GYS1: variants seen among roughly 807,000 people sequenced by gnomAD.
GYS1 encodes the protein glycogen synthase 1.
Under a neutral mutation model 89.1 loss-of-function variants are expected in GYS1, and 60 were observed. The observed-to-expected ratio is 0.67, with a 90% confidence interval of 0.55 to 0.84. GYS1 has a LOEUF of 0.84. Among genes scored for constraint, GYS1 ranks in the 40% least tolerant of loss-of-function variants. The pLI is 0.00. For synonymous variants in GYS1, 366 were observed against 401.7 expected (o/e 0.91, Z 1.06); for missense variants, 888 against 1,003.1 (o/e 0.89, Z 1.55).
intron 8 of GYS1, 39 bp downstream of exon 8, chr19:48,981,491 G>T: frequency 1.9e-6 from 2 of 1,060,796 alleles, no homozygotes; most frequent in Non-Finnish European, 3.0e-6. Flanking sequence ...ATGCATCTGG[G>T]AGTGGGCTGC....
chr19:48,979,647 T>TTTC (rs1491493415), intron 8 of GYS1, among the ~76,000 whole-genome samples: 2 of 42,172 alleles, frequency 4.7e-5, no homozygotes, highest in African/African-American at 1.6e-4. Flanking sequence ...TCTTTCTTTC[T>TTTC]TTTTTTTTTT....
intron 7 of GYS1, among the ~76,000 whole-genome samples, chr19:48,982,005 C>T (rs938324481): frequency 3.3e-5 from 5 of 152,038 alleles, no homozygotes; most frequent in Admixed American, 6.6e-5. Flanking sequence ...TGATCCTCCC[C>T]GTTCACCCTC....
At chr19:48,986,190 G>C (rs1209500695) in intron 3 of GYS1, among the ~76,000 whole-genome samples, 155 bp from the exon 4 acceptor site, 1 of 152,180 alleles carries the variant, frequency 6.6e-6, no homozygotes, top group Non-Finnish European at 1.5e-5. Context: ...ACCGGACAGG[G>C]ACCTGTAAAT....
At chr19:48,970,859 C>T (rs2038553795) in intron 13 of GYS1, 69 bp downstream of exon 13, 1 of 1,447,648 alleles carries the variant, frequency 6.9e-7, no homozygotes, top group Admixed American at 1.7e-5. Context: ...GCAAGCTCCT[C>T]CTTCCCAGGA....
In GYS1 at chr19:48,991,422, G is replaced by C; in HGVS notation, c.180C>G (p.Asp60Glu). The change falls in exon 2 of 16, where the codon GAC (aspartate) becomes GAG (glutamate). Residue 60 changes from aspartate (D) to glutamate (E), a missense_variant. By Grantham distance (45) the Asp-to-Glu change is conservative. Transcript: ENST00000323798. The surrounding 1 kb of genome is among the most constrained non-coding windows in gnomAD (Gnocchi z 4.7). ...KAKVTGDEWG[D>E]NYFLVGPYTE... ...TGTACGGCCCCACCAGGAAGTAGTT[G>C]TCGCCCCATTCGTCCCCTGTCACCT... is the stretch of plus-strand genomic sequence containing the variant. The C allele has an allele frequency of 6.2e-7, 1 of 1,614,138 alleles. No homozygotes were observed. Among genetic ancestry groups the C allele is most frequent in the East Asian group, 2.2e-5 (1 of 44,884 alleles).
chr19:48,968,614 A>G lies in GYS1; in HGVS notation c.*674T>C. 2.2e-6 allele frequency: 1 copy of G among 454,334 alleles called. No homozygotes were observed. Among genetic ancestry groups the G allele is most frequent in the South Asian group, 1.6e-5 (1 of 64,470 alleles). The allele number at this position is 454,334 out of a possible 1,614,324, so 28.1% of individuals were successfully genotyped here. A position where few individuals can be genotyped will look rare whatever the true frequency, so the allele number is the denominator to read the frequency against. ...CTGAGACTGTGTGTCCTCCAGAAGG[A>G]ATGAGCAGCCAAGTGGTTCTACCAC... On this transcript the variant is annotated 3_prime_UTR_variant, in exon 16 of 16. Transcript: ENST00000323798.
chr19:48,969,571 G>T lies in GYS1; in HGVS notation c.1931C>A (p.Pro644Gln), dbSNP rs1188711399. The T allele has an allele frequency of 1.3e-6, 2 of 1,538,764 alleles. No individual in the cohort carries two copies. The highest frequency in any genetic ancestry group is 1.2e-5 in the South Asian group (1 of 84,156). Reference sequence around the variant, plus strand: ...GGAGTGTCGTGACAGCGAGGGCGACGGTGGCACCGAGGCTGGCCGTGGGTA... The same window carrying T: ...GGAGTGTCGTGACAGCGAGGGCGACTGTGGCACCGAGGCTGGCCGTGGGTA... Reference protein sequence around the residue: ...YRYPRPASVPPSPSLSRHSSP... With the variant: ...YRYPRPASVPQSPSLSRHSSP... The change falls in exon 16 of 16, where the codon CCG (proline) becomes CAG (glutamine). Residue 644 changes from proline to glutamine, a missense_variant. Physicochemically the swap from Pro to Gln is moderately conservative, Grantham distance 76. Coordinates refer to ENST00000323798, the MANE Select transcript of GYS1 (RefSeq NM_002103.5).
chr19:48,990,003 G>GGCC (rs796205047), intron 2 of GYS1, among the ~76,000 whole-genome samples: 1 of 147,740 alleles, frequency 6.8e-6, no homozygotes, highest in African/African-American at 2.6e-5. Context: ...TTTGCTGGGG[G>GGCC]GGGGGGGGGG....
chr19:48,989,168 C>G (rs973255486), intron 2 of GYS1, among the ~76,000 whole-genome samples: 3 of 151,682 alleles, frequency 2.0e-5, no homozygotes, highest in African/African-American at 7.3e-5. Context: ...GTCACCCAGG[C>G]TGGAGTGCAG....
At chr19:48,973,895 G>C (rs1253331583) in intron 12 of GYS1, among the ~76,000 whole-genome samples, 1 of 152,092 alleles carries the variant, frequency 6.6e-6, no homozygotes, top group African/African-American at 2.4e-5. Flanking sequence ...AACGTCTTAC[G>C]AGGAGACTTG....
rs1600158301 is a variant in GYS1 at position 48,993,170 on chromosome 19, A to C, written c.-58T>G. The C allele has an allele frequency of 5.2e-6, 5 of 958,258 alleles. No homozygotes were observed. In the East Asian group the frequency reaches 1.2e-4, roughly 23 times the overall value. 59.4% of individuals were successfully genotyped at this position (958,258 alleles called of 1,614,324 possible). ...CCAGGTAGGGACCCCGGAGGTGTCTAGGGAATGCACCAGGTAGGGTGCGGG... is the reference window on the plus strand; with the variant it reads ...CCAGGTAGGGACCCCGGAGGTGTCTCGGGAATGCACCAGGTAGGGTGCGGG... On this transcript the variant is annotated 5_prime_UTR_variant, in exon 1 of 16. Transcript: ENST00000323798.
In GYS1 at chr19:48,993,052, C is replaced by T. The variant is rs2038965445; in HGVS notation, c.61G>A (p.Glu21Lys). ...AGCACTGCGTTCTCCAGGTCGAATTCATCCTCCCAGTCCTCCAGTCCTGGC... is the reference window on the plus strand; with the variant it reads ...AGCACTGCGTTCTCCAGGTCGAATTTATCCTCCCAGTCCTCCAGTCCTGGC... ...SLPGLEDWED[E>K]FDLENAVLFE... The change falls in exon 1 of 16, where the codon GAA becomes AAA. Residue 21 changes from glutamate to lysine, a missense_variant. Coordinates refer to ENST00000323798, the MANE Select transcript of GYS1 (RefSeq NM_002103.5). The T allele has an allele frequency of 6.2e-7, 1 of 1,613,816 alleles. No homozygotes were observed. Among genetic ancestry groups the T allele is most frequent in the East Asian group, 2.2e-5 (1 of 44,878 alleles).
Position 48,970,910 on chromosome 19 carries a change from A to G in GYS1, c.1645+18T>C, listed in dbSNP as rs1287268018. ...TCTCAAGCCCCCTTCCAGAATCCTCAGGGGCCTGGGCGCTGACCGTAAGCT... is the reference window on the plus strand; with the variant it reads ...TCTCAAGCCCCCTTCCAGAATCCTCGGGGGCCTGGGCGCTGACCGTAAGCT... On this transcript the variant is annotated intron_variant, in intron 13 of 15. Transcript: ENST00000323798. 2 of 1,593,728 alleles carry G rather than the reference A, an allele frequency of 1.3e-6. No individual in the cohort carries two copies.
At chr19:48,979,336 CTTTTTTTTTT>C (rs777178030) in intron 8 of GYS1, among the ~76,000 whole-genome samples, 4 of 92,736 alleles carry the variant, frequency 4.3e-5, no homozygotes, top group African/African-American at 1.1e-4. Flanking sequence ...TTTTTCTTTT[CTTTTTTTTTT>C]TTTTTTTTTT....
rs1022035901 is a variant in GYS1, at chr19:48,970,235, C to G, written c.1809+311G>C. ...AACCTCCGGGGCTCAAGCGACCCTA[C>G]CACCTCAGCCTCCCCAGTAGCTGGG... On this transcript the variant is annotated intron_variant, in intron 14 of 15. Transcript: ENST00000323798. 1.3e-5 allele frequency: 6 copies of G among 460,906 alleles called. No individual in the cohort carries two copies. The Admixed American group carries it at 2.1e-4, about 16-fold the overall frequency. 28.6% of individuals were successfully genotyped at this position (460,906 alleles called of 1,614,324 possible).
intron 13 of GYS1, 33 bp downstream of exon 13, chr19:48,970,895 C>G (rs1436595691): frequency 1.3e-6 from 2 of 1,545,474 alleles, no homozygotes; most frequent in Admixed American, 1.7e-5. Context: ...TCTCAAGCCC[C>G]CTTCCAGAAT....
rs2038837989 is a variant in GYS1 at position 48,985,997 on chromosome 19, A to G, written c.531T>C (p.Ala177=). The G allele has an allele frequency of 6.2e-7, 1 of 1,614,066 alleles. No individual in the cohort carries two copies. The highest frequency in any genetic ancestry group is 1.3e-5 in the African/African-American group (1 of 74,922). Residue 177 remains alanine (A), a synonymous_variant, in exon 4 of 16, where the codon GCT becomes GCC. Coordinates refer to ENST00000323798, the MANE Select transcript of GYS1 (RefSeq NM_002103.5). ...AQSEEKPHVV[A]HFHEWLAGVG... ...CGCCTGCCAACCACTCATGGAAGTG[A>G]GCAACCACATGTGGCTTCTCCTCAC...
rs1389642631 is a variant in GYS1, at chr19:48,968,454, A to G, written c.*834T>C. On this transcript the variant is annotated 3_prime_UTR_variant, in exon 16 of 16. Coordinates refer to ENST00000323798, the MANE Select transcript of GYS1 (RefSeq NM_002103.5). The stretch of plus-strand genomic sequence containing the variant: ...CACAGTGGGCAGAGCAGTTGGGAAT[A>G]AGCCAGGTTAGGGGTGGGGGAAGAC... The G allele has an allele frequency of 2.0e-5, 9 of 454,438 alleles. No individual in the cohort carries two copies. The highest frequency in any genetic ancestry group is 3.5e-5 in the Non-Finnish European group (8 of 226,798). The allele number at this position is 454,438 out of a possible 1,614,324, so 28.2% of individuals were successfully genotyped here.
chr19:48,975,688 G>A (rs1422295019), intron 10 of GYS1, among the ~76,000 whole-genome samples: 1 of 151,804 alleles, frequency 6.6e-6, no homozygotes, highest in African/African-American at 2.4e-5. Flanking sequence ...AGCACTCTGG[G>A]AGGCCGAGGC....
Sources: gnomAD v4.1 joint callset for allele counts (sites outside exome capture counted in the v4.1 genomes callset) on GRCh38, gnomAD v4.1.1 for gene constraint, Gnocchi (gnomAD v3.1) non-coding constraint, MANE v1.5 for transcripts, NCBI Gene and HGNC (gene_info 2026-07-23, HGNC 2026-07-21) for gene names.